The following ADARB1 variants were observed in gnomAD, a reference collection of about 807,000 sequenced individuals.
ADARB1 encodes adenosine deaminase RNA specific B1.
In ADARB1, 10 loss-of-function variants were observed where a neutral mutation model predicts 52.4. The ratio of observed to expected loss-of-function variants is 0.19; its 90% CI spans 0.12 to 0.32. ADARB1 has a LOEUF of 0.32. Among genes scored for constraint, ADARB1 ranks in the 10% least tolerant of loss-of-function variants. The probability of loss-of-function intolerance (pLI) is 1.00; values close to 1 mark genes in which losing one functional copy is unlikely to be tolerated. For synonymous variants in ADARB1, 349 were observed against 371.1 expected (o/e 0.94, Z 0.68); for missense variants, 643 against 922.3 (o/e 0.70, Z 3.92).
intron 8 of ADARB1, among the ~76,000 whole-genome samples, chr21:45,191,587 A>T (rs11911460): frequency 0.17 from 25,541 of 151,856 alleles, 3,209 homozygotes; most frequent in African/African-American, 0.35. Flanking sequence ...CCTTTTTGCA[A>T]TTTTGACATA....
intron 7 of ADARB1, 63 bp downstream of exon 7, chr21:45,183,573 C>G (rs1366257452): frequency 1.3e-6 from 2 of 1,560,704 alleles, no homozygotes; most frequent in Non-Finnish European, 1.7e-6. Flanking sequence ...TAAAAACTAA[C>G]CTGTGTTAAT....
intron 1 of ADARB1, among the ~76,000 whole-genome samples, chr21:45,089,753 G>A (rs2086489171): frequency 6.6e-6 from 1 of 152,096 alleles, no homozygotes; most frequent in Non-Finnish European, 1.5e-5. Flanking sequence ...ACTACTAAAT[G>A]TTTTCTTTCA....
Position 45,185,095 on chromosome 21 carries a change from A to G in ADARB1, c.1565+4A>G. On this transcript the variant is annotated splice_donor_region_variant and intron_variant, in intron 8 of 10. Coordinates refer to ENST00000348831, the MANE Select transcript of ADARB1 (RefSeq NM_001112.4). ...CCTGCAGTGACAAGATTGCACGGTA[A>G]GGGGCGGGGGCTCCCTGTGGCCACC... The G allele has an allele frequency of 6.2e-7, 1 of 1,613,476 alleles. No homozygotes were observed. Among genetic ancestry groups the G allele is most frequent in the Non-Finnish European group, 8.5e-7 (1 of 1,179,624 alleles).
Position 45,222,287 on chromosome 21 carries a change from A to C in ADARB1, c.*90A>C. 36 of 1,315,748 alleles carry C rather than the reference A, an allele frequency of 2.7e-5. No homozygotes were observed. Among genetic ancestry groups the C allele is most frequent in the East Asian group, 6.9e-5 (2 of 29,046 alleles). 81.5% of individuals were successfully genotyped at this position (1,315,748 alleles called of 1,614,324 possible). On this transcript the variant is annotated 3_prime_UTR_variant, in exon 11 of 11. Transcript: ENST00000348831. Reference sequence around the variant, plus strand: ...ACATCTGAACTGGGGGCAGGTGCATACCTTGGGGAGGGAGTAGGGGGACAC... The same window carrying C: ...ACATCTGAACTGGGGGCAGGTGCATCCCTTGGGGAGGGAGTAGGGGGACAC...
intron 1 of ADARB1, among the ~76,000 whole-genome samples, chr21:45,126,694 C>T (rs2145822721): frequency 6.6e-6 from 1 of 152,328 alleles, no homozygotes; most frequent in South Asian, 2.1e-4. Context: ...CCTGAAACCC[C>T]TTGCAATACT....
intron 2 of ADARB1, among the ~76,000 whole-genome samples, chr21:45,156,848 G>A (rs903789418): frequency 1.3e-5 from 2 of 152,132 alleles, no homozygotes; most frequent in Non-Finnish European, 2.9e-5. Flanking sequence ...TGGGCCACCT[G>A]AAATCCCACT....
At position 45,090,715 on chromosome 21, in the gene ADARB1, T is replaced by A. The variant is rs181938342; in HGVS notation, c.-220+15922T>A. Among the ~76,000 whole-genome samples the A allele has an allele frequency of 2.0e-3, 298 of 152,242 alleles. 1 individual carries two copies. The highest frequency in any genetic ancestry group is 7.4e-3 in the Admixed American group (113 of 15,292). ...CCTGTGCAGCTCAGCACTCCTACCC[T>A]CCCCAGGAGGACCCCGGTTCTGACC... On this transcript the variant is annotated intron_variant, in intron 1 of 10. Coordinates refer to ENST00000348831, the MANE Select transcript of ADARB1 (RefSeq NM_001112.4).
chr21:45,134,744 C>G (rs1281332071), intron 2 of ADARB1: 1 of 530,894 alleles, frequency 1.9e-6, no homozygotes, highest in Admixed American at 2.0e-5. Flanking sequence ...TGAGCACACC[C>G]TCATTCATCC....
In ADARB1 at chr21:45,208,639, T is replaced by A. The variant is rs529183903; in HGVS notation, c.1747+3903T>A. On this transcript the variant is annotated intron_variant, in intron 9 of 10. Transcript: ENST00000348831. The surrounding 1 kb of genome is among the most constrained non-coding windows in gnomAD (Gnocchi z 5.6). ...GTGTATGTGTGCGTGTGTGTGTGTG[T>A]GAGTGCATGTGAGTGTGTGCATGAG... is the stretch of plus-strand genomic sequence containing the variant. Among the ~76,000 whole-genome samples the A allele has an allele frequency of 3.0e-3, 461 of 151,862 alleles. 6 individuals carry two copies. Among genetic ancestry groups the A allele is most frequent in the African/African-American group, 0.01 (428 of 41,410 alleles).
At chr21:45,148,422 G>A (rs910662449) in intron 2 of ADARB1, among the ~76,000 whole-genome samples, 2 of 152,234 alleles carry the variant, frequency 1.3e-5, no homozygotes, top group African/African-American at 4.8e-5. Context: ...AGGCAGCAGA[G>A]GCTCCCACCT....
rs1203634916 is a variant in ADARB1, at chr21:45,185,027, A to C, written c.1501A>C (p.Thr501Pro). ...AGTGCGCTCCAATGCGAGCATCCAA[A>C]CGTGGGACGGGGTGCTGCAAGGGGA... ...IPVRSNASIQ[T>P]WDGVLQGERL... The change falls in exon 8 of 11, where the codon ACG becomes CCG. Residue 501 changes from threonine to proline, a missense_variant. Transcript: ENST00000348831. 6.2e-7 allele frequency: 1 copy of C among 1,614,154 alleles called. No homozygotes were observed. The highest frequency in any genetic ancestry group is 8.5e-7 in the Non-Finnish European group (1 of 1,180,008).
At chr21:45,140,790 G>A (rs746278073) in intron 2 of ADARB1, among the ~76,000 whole-genome samples, 20 of 152,168 alleles carry the variant, frequency 1.3e-4, no homozygotes, top group Non-Finnish European at 2.1e-4. Flanking sequence ...GATCTGAATT[G>A]TAAATAAAAT....
rs771477217 is a variant in ADARB1 at position 45,182,662 on chromosome 21, C to T, written c.1156C>T (p.Arg386Cys). 1 of 1,610,754 alleles carries T rather than the reference C, an allele frequency of 6.2e-7. No homozygotes were observed. Among genetic ancestry groups the T allele is most frequent in the Non-Finnish European group, 8.5e-7 (1 of 1,178,866 alleles). Reference protein sequence around the residue: ...KCINGEYMSDRGLALNDCHAE... With the variant: ...KCINGEYMSDCGLALNDCHAE... ...TATTAATGGTGAATACATGAGTGATCGTGGCCTTGCATTAAATGACTGCCA... is the reference window on the plus strand; with the variant it reads ...TATTAATGGTGAATACATGAGTGATTGTGGCCTTGCATTAAATGACTGCCA... The change falls in exon 6 of 11, where the codon CGT becomes TGT. Residue 386 changes from arginine to cysteine, a missense_variant. Physicochemically the swap from Arg to Cys is radical, Grantham distance 180 (BLOSUM62 -3). Around this residue, in one of 2 missense-constraint regions of ADARB1, gnomAD observed 263 missense variants for 475.8 expected, o/e 0.55. Coordinates refer to ENST00000348831, the MANE Select transcript of ADARB1 (RefSeq NM_001112.4).
intron 9 of ADARB1, among the ~76,000 whole-genome samples, chr21:45,218,369 T>C (rs1017447386): frequency 3.3e-5 from 5 of 152,244 alleles, no homozygotes; most frequent in Non-Finnish European, 7.3e-5. Context: ...ATTGTAGTTT[T>C]CCTCTCTAGA....
chr21:45,184,787 G>A, intron 7 of ADARB1, 136 bp from the exon 8 acceptor site: 1 of 1,005,354 alleles, frequency 9.9e-7, no homozygotes, highest in South Asian at 1.6e-5. Context: ...TGTGTATTTT[G>A]TATGTATGGC....
chr21:45,181,081 C>A (rs2091914790), intron 5 of ADARB1, among the ~76,000 whole-genome samples: 1 of 152,190 alleles, frequency 6.6e-6, no homozygotes, highest in Non-Finnish European at 1.5e-5. Context: ...AGGGAGAGGA[C>A]CCCTGTCATG....
At position 45,225,631 on chromosome 21, in the gene ADARB1, C is replaced by T. The variant is rs370941785; in HGVS notation, c.*3434C>T. ...AGCGAAGCTGTGGAGACTGCACATC[C>T]GGACCTGCCCATGTCTCAAAACAAA... is the stretch of plus-strand genomic sequence containing the variant. On this transcript the variant is annotated 3_prime_UTR_variant, in exon 11 of 11. Transcript: ENST00000348831. 66 of 1,214,474 alleles carry T rather than the reference C, an allele frequency of 5.4e-5. No homozygotes were observed. Among genetic ancestry groups the T allele is most frequent in the Middle Eastern group, 4.2e-4 (2 of 4,770 alleles). The allele number at this position is 1,214,474 out of a possible 1,614,324, so 75.2% of individuals were successfully genotyped here.
intron 1 of ADARB1, among the ~76,000 whole-genome samples, chr21:45,119,134 G>C (rs2088000927): frequency 1.3e-5 from 2 of 152,156 alleles, no homozygotes; most frequent in Admixed American, 6.5e-5. Context: ...CTGTCACCCA[G>C]GGTGAAGTGC....
In ADARB1 at chr21:45,109,383, T is replaced by C. The variant is rs576869977; in HGVS notation, c.-219-19019T>C. Reference sequence around the variant, plus strand: ...GTCCTGTGGCACCACCGAGTTGTCATGAATGCTTTCGTTTAACGAGTCAGG... The same window carrying C: ...GTCCTGTGGCACCACCGAGTTGTCACGAATGCTTTCGTTTAACGAGTCAGG... On this transcript the variant is annotated intron_variant, in intron 1 of 10. Transcript: ENST00000348831. Among the ~76,000 whole-genome samples the C allele has an allele frequency of 3.9e-5, 6 of 152,388 alleles. No individual in the cohort carries two copies. The South Asian group carries it at 1.2e-3, about 32-fold the overall frequency.
Sources: gnomAD v4.1 joint callset for allele counts (sites outside exome capture counted in the v4.1 genomes callset) on GRCh38, gnomAD v4.1.1 for gene constraint, gnomAD v4.1.1 regional missense constraint, Gnocchi (gnomAD v3.1) non-coding constraint, MANE v1.5 for transcripts, NCBI Gene and HGNC (gene_info 2026-07-23, HGNC 2026-07-21) for gene names.